The following MYH11 variants were observed in gnomAD, a reference collection of about 807,000 sequenced individuals.
MYH11 encodes myosin heavy chain 11.
A neutral mutation model predicts 246.6 loss-of-function variants in MYH11; 80 were observed. The observed-to-expected ratio is 0.32, with a 90% CI of 0.27 to 0.39. The LOEUF is 0.39. Among genes scored for constraint, MYH11 ranks in the 10% least tolerant of loss-of-function variants. The probability of loss-of-function intolerance (pLI) is 1.00; values close to 1 mark genes in which losing one functional copy is unlikely to be tolerated. For missense variants in MYH11, 2,158 were observed against 2,546.8 expected (o/e 0.85, Z 3.29); for synonymous variants, 1,071 against 1,015.5 (o/e 1.05, Z -1.04).
At chr16:15,804,382 C>T (rs1012963495) in intron 3 of MYH11, among the ~76,000 whole-genome samples, 3 of 151,964 alleles carry the variant, frequency 2.0e-5, no homozygotes, top group African/African-American at 4.8e-5. Flanking sequence ...ATTAGCTGGG[C>T]GCGGTGGTGC....
At chr16:15,827,214 G>A (rs891700416) in intron 2 of MYH11, among the ~76,000 whole-genome samples, 1 of 152,088 alleles carries the variant, frequency 6.6e-6, no homozygotes, top group African/African-American at 2.4e-5. Context: ...CAGAGGGGGA[G>A]ACAAGTACAT....
intron 3 of MYH11, among the ~76,000 whole-genome samples, chr16:15,818,611 T>C (rs1247493182): frequency 6.6e-6 from 1 of 152,020 alleles, no homozygotes; most frequent in Non-Finnish European, 1.5e-5. Context: ...GTTTTTTTTG[T>C]ATTTTTAGTA....
Position 15,760,643 on chromosome 16 carries a change from C to T in MYH11, c.1145G>A (p.Cys382Tyr). 1 of 1,612,222 alleles carries T rather than the reference C, an allele frequency of 6.2e-7. No individual in the cohort carries two copies. The highest frequency in any genetic ancestry group is 8.5e-7 in the Non-Finnish European group (1 of 1,178,280). Residue 382 changes from cysteine (C) to tyrosine (Y), a missense_variant, in exon 11 of 41, where the codon TGC becomes TAC. Physicochemically the swap from Cys to Tyr is radical, Grantham distance 194. This residue lies in a region of MYH11 where 317 missense variants were observed against 507.7 expected (regional missense o/e 0.62). Transcript: ENST00000300036. ...TGTCACATTAATTCCCATGAGGTGG[C>T]AAACTTTCTGAGCAGCTGGATGGAG... ...MPDNTAAQKV[C>Y]HLMGINVTDF...
chr16:15,829,048 G>T (rs1370962896), intron 2 of MYH11, among the ~76,000 whole-genome samples: 4 of 151,738 alleles, frequency 2.6e-5, no homozygotes, highest in Non-Finnish European at 2.9e-5. Context: ...GCTGGGTGTG[G>T]TGGCGCATGC....
intron 38 of MYH11, among the ~76,000 whole-genome samples, chr16:15,715,646 G>T (rs577472769): frequency 6.6e-6 from 1 of 152,040 alleles, no homozygotes; most frequent in Admixed American, 6.6e-5. Context: ...CGGGGAGGAG[G>T]CAAGGTCTTG....
intron 20 of MYH11, among the ~76,000 whole-genome samples, chr16:15,743,261 T>C (rs2041324707): frequency 2.0e-5 from 3 of 152,138 alleles, no homozygotes; most frequent in Admixed American, 6.6e-5. Flanking sequence ...CTCTGCCTCC[T>C]CGGTTCAAGT....
intron 20 of MYH11, chr16:15,742,248 C>T: frequency 2.7e-6 from 1 of 367,270 alleles, no homozygotes; most frequent in South Asian, 2.8e-5. Context: ...TAGAACCATC[C>T]CAACAGAGAA....
chr16:15,788,796 A>ATGTG (rs1491190476), intron 4 of MYH11, among the ~76,000 whole-genome samples: 5,233 of 94,578 alleles, frequency 0.055, 130 homozygotes, highest in Middle Eastern at 0.1. Flanking sequence ...AGACCAGAAT[A>ATGTG]TATGTGTGTG....
chr16:15,763,305 G>A (rs2041909046), intron 10 of MYH11, among the ~76,000 whole-genome samples: 1 of 151,656 alleles, frequency 6.6e-6, no homozygotes, highest in South Asian at 2.1e-4. Flanking sequence ...GTATCCCAGT[G>A]GCATATTGCA....
chr16:15,840,666 AG>A (rs1596941876), intron 1 of MYH11, among the ~76,000 whole-genome samples: 1 of 152,202 alleles, frequency 6.6e-6, no homozygotes, highest in Non-Finnish European at 1.5e-5. Flanking sequence ...CAGGAGGTCA[AG>A]GCTGCAGTGA....
chr16:15,732,574 T>A lies in MYH11; in HGVS notation c.3641A>T (p.Gln1214Leu), dbSNP rs1379320917. The change falls in exon 27 of 41, where the codon CAG (glutamine) becomes CTG (leucine). Residue 1214 changes from glutamine (Q) to leucine (L), a missense_variant. By Grantham distance (113) the Gln-to-Leu change is moderately radical. Around this residue, in one of 11 missense-constraint regions of MYH11, gnomAD observed 1,013 missense variants for 993.5 expected, o/e 1.02. Coordinates refer to ENST00000300036, the MANE Select transcript of MYH11 (RefSeq NM_002474.3). ...ACCAAAAAGCATTACCCTCTTGAAC[T>A]GCTCAAGCTGCTCTGTGAGCTCCTC... ...AVEELTEQLE[Q>L]FKRAKANLDK... 6.2e-7 allele frequency: 1 copy of A among 1,614,272 alleles called. No homozygotes were observed. Among genetic ancestry groups the A allele is most frequent in the South Asian group, 1.1e-5 (1 of 91,090 alleles).
chr16:15,773,180 G>A (rs905688035), intron 8 of MYH11, among the ~76,000 whole-genome samples: 6 of 151,706 alleles, frequency 4.0e-5, no homozygotes, highest in East Asian at 1.9e-4. Flanking sequence ...AAGCACAATC[G>A]CTGTAATAGG....
chr16:15,737,154 G>C (rs985053181), intron 25 of MYH11, among the ~76,000 whole-genome samples: 1 of 152,152 alleles, frequency 6.6e-6, no homozygotes, highest in South Asian at 2.1e-4. Context: ...AATTCAGAAG[G>C]GGGTCTAGAT....
At chr16:15,710,394 A>C (rs942401277) in intron 40 of MYH11, among the ~76,000 whole-genome samples, 2 of 152,050 alleles carry the variant, frequency 1.3e-5, no homozygotes, top group African/African-American at 4.8e-5. Flanking sequence ...GGTGGCACGC[A>C]CCTGTAATCT....
intron 9 of MYH11, among the ~76,000 whole-genome samples, chr16:15,769,247 C>T (rs1325751229): frequency 1.3e-5 from 2 of 152,228 alleles, no homozygotes; most frequent in African/African-American, 4.8e-5. Context: ...ACCCAGGAGG[C>T]AGAGGTTGCA....
In MYH11 at chr16:15,721,579, G is replaced by A. The variant is rs1232945828; in HGVS notation, c.4421C>T (p.Ala1474Val). The A allele has an allele frequency of 1.2e-6, 2 of 1,614,176 alleles. No homozygotes were observed. Among genetic ancestry groups the A allele is most frequent in the East Asian group, 2.2e-5 (1 of 44,870 alleles). The change falls in exon 32 of 41, where the codon GCT becomes GTT. Residue 1474 changes from alanine (A) to valine (V), a missense_variant. Ala to Val is a moderately conservative substitution (Grantham distance 64). Around this residue, in one of 11 missense-constraint regions of MYH11, gnomAD observed 1,013 missense variants for 993.5 expected, o/e 1.02. Coordinates refer to ENST00000300036, the MANE Select transcript of MYH11 (RefSeq NM_002474.3). Reference protein sequence around the residue: ...SSKYADERDRAEAEAREKETK... With the variant: ...SSKYADERDRVEAEAREKETK... ...TTCCTTCTCCCTGGCTTCTGCCTCA[G>A]CTCTGTCCCTCTCATCCGCGTATTT...
intron 32 of MYH11, 83 bp from the exon 33 acceptor site, chr16:15,721,134 G>A: frequency 6.8e-7 from 1 of 1,460,596 alleles, no homozygotes; most frequent in Non-Finnish European, 9.5e-7. Flanking sequence ...CGGCACCTCA[G>A]GAGATCAGGG....
intron 11 of MYH11, among the ~76,000 whole-genome samples, chr16:15,760,219 T>C (rs1019845257): frequency 1.2e-4 from 18 of 151,558 alleles, no homozygotes; most frequent in Admixed American, 9.9e-4. Context: ...AATGAATGAA[T>C]GAATGGAATG....
chr16:15,793,453 T>C (rs1454577929), intron 4 of MYH11, among the ~76,000 whole-genome samples: 17 of 151,140 alleles, frequency 1.1e-4, no homozygotes, highest in Admixed American at 1.1e-3. Context: ...CCATCCCACC[T>C]AGCTAATTTT....
Sources: gnomAD v4.1 joint callset for allele counts (sites outside exome capture counted in the v4.1 genomes callset) on GRCh38, gnomAD v4.1.1 for gene constraint, gnomAD v4.1.1 regional missense constraint, MANE v1.5 for transcripts, NCBI Gene and HGNC (gene_info 2026-07-23, HGNC 2026-07-21) for gene names.